Variants in MFSD8 observed in about 807,000 individuals in gnomAD.
MFSD8 encodes the protein major facilitator superfamily domain-containing protein 8.
A neutral mutation model predicts 66.4 loss-of-function variants in MFSD8; 55 were observed. That is an observed-to-expected ratio of 0.83 (90% confidence interval 0.67 to 1.04). The LOEUF (loss-of-function observed/expected upper bound fraction) is 1.04. Ranked by LOEUF, MFSD8 falls within the 50% of genes least tolerant of loss-of-function variation. The pLI, the probability that MFSD8 is intolerant of heterozygous loss-of-function variation, is 0.00. For missense variants in MFSD8, 550 were observed against 627.6 expected, an observed-to-expected ratio of 0.88 and a Z score of 1.32; for synonymous variants, 202 against 212.8, an observed-to-expected ratio of 0.95 and a Z score of 0.44.
chr4:127,931,918 G>A (rs1738203443), intron 8 of MFSD8, among the ~76,000 whole-genome samples: 1 of 152,110 alleles, frequency 6.6e-6, no homozygotes, highest in Admixed American at 6.5e-5. Flanking sequence ...AGATCAGCCT[G>A]GGCAACATGG....
At chr4:127,938,602 A>T (rs1318723919) in intron 7 of MFSD8, among the ~76,000 whole-genome samples, 181 bp downstream of exon 7, 103 of 136,596 alleles carry the variant, frequency 7.5e-4, no homozygotes, top group African/African-American at 2.3e-3. Flanking sequence ...AAAATAAATA[A>T]ATAAATAAAT....
At chr4:127,935,893 C>T (rs1738987540) in intron 7 of MFSD8, among the ~76,000 whole-genome samples, 2 of 152,188 alleles carry the variant, frequency 1.3e-5, no homozygotes, top group South Asian at 4.1e-4. Context: ...CTTTGCTGCA[C>T]AAAGTGTGAT....
intron 8 of MFSD8, among the ~76,000 whole-genome samples, chr4:127,931,138 C>G (rs1228895766): frequency 1.3e-5 from 2 of 152,090 alleles, no homozygotes; most frequent in Admixed American, 6.6e-5. Context: ...TCTAACATTA[C>G]TAAATAATCA....
intron 7 of MFSD8, 116 bp from the exon 8 acceptor site, chr4:127,933,209 T>G (rs1738462069): frequency 1.2e-6 from 1 of 813,144 alleles, no homozygotes; most frequent in Non-Finnish European, 2.0e-6. Context: ...TTAAAAAAAT[T>G]TTTAGGCTTC....
intron 9 of MFSD8, among the ~76,000 whole-genome samples, chr4:127,927,182 T>G (rs1377174686): frequency 6.6e-6 from 1 of 152,110 alleles, no homozygotes; most frequent in African/African-American, 2.4e-5. Context: ...ATGTTTTTTT[T>G]TTTTTGTTTT....
intron 7 of MFSD8, among the ~76,000 whole-genome samples, chr4:127,938,243 A>G (rs1387781688): frequency 2.6e-5 from 4 of 152,142 alleles, no homozygotes; most frequent in Non-Finnish European, 5.9e-5. Context: ...GATTTTTTAC[A>G]ATGTTTGTAA....
At chr4:127,956,765 C>T (rs1742952652) in intron 2 of MFSD8, among the ~76,000 whole-genome samples, 1 of 146,262 alleles carries the variant, frequency 6.8e-6, no homozygotes, top group South Asian at 2.1e-4. Context: ...TTGCAGTGAG[C>T]TGAGATCGTG....
rs1736177626 is a variant in MFSD8 at position 127,920,369 on chromosome 4, T to C, written c.*261A>G. ...CATCATTGTCCATTCACTCATTAGT[T>C]CATGCAACCACAAAAAGGTATTATA... On this transcript the variant is annotated 3_prime_UTR_variant, in exon 12 of 12. Coordinates refer to ENST00000641686, the MANE Select transcript of MFSD8 (RefSeq NM_001371596.2). 1 of 470,088 alleles carries C rather than the reference T, an allele frequency of 2.1e-6. No homozygotes were observed. 29.1% of individuals were successfully genotyped at this position (470,088 alleles called of 1,614,324 possible). A position where few individuals can be genotyped will look rare whatever the true frequency, so the allele number is the denominator to read the frequency against.
Position 127,949,789 on chromosome 4 carries a change from T to C in MFSD8, c.198+15A>G, listed in dbSNP as rs1394062545. ...ACTGTAGCTATAAGGGAAAAATAGATTGAAATGTACAAACCTTTTGGAGAT... is the reference window on the plus strand; with the variant it reads ...ACTGTAGCTATAAGGGAAAAATAGACTGAAATGTACAAACCTTTTGGAGAT... On this transcript the variant is annotated intron_variant, in intron 3 of 11. Transcript: ENST00000641686. The C allele has an allele frequency of 1.9e-6, 3 of 1,609,716 alleles. No homozygotes were observed. Among genetic ancestry groups the C allele is most frequent in the South Asian group, 1.1e-5 (1 of 90,200 alleles).
chr4:127,921,420 A>G, intron 11 of MFSD8, 104 bp downstream of exon 11: 3 of 1,573,542 alleles, frequency 1.9e-6, no homozygotes, highest in Non-Finnish European at 2.6e-6. Context: ...ATATGATAAA[A>G]ATCCCTCAAA....
chr4:127,953,345 G>A (rs2148956949), intron 2 of MFSD8, among the ~76,000 whole-genome samples: 1 of 151,762 alleles, frequency 6.6e-6, no homozygotes, highest in South Asian at 2.1e-4. Flanking sequence ...AACATTAGCT[G>A]GGCATGGTGC....
chr4:127,949,643 T>C (rs1410721430), intron 3 of MFSD8, among the ~76,000 whole-genome samples, 161 bp downstream of exon 3: 1 of 152,180 alleles, frequency 6.6e-6, no homozygotes, highest in African/African-American at 2.4e-5. Context: ...ATAAAGCATA[T>C]GGTCACATTA....
At position 127,921,623 on chromosome 4, in the gene MFSD8, G is replaced by A. The variant is rs1477931820; in HGVS notation, c.1251C>T (p.Ala417=). ...WCLYTPVIHL[A]QFLTSAVLIG... ...TTAGCACAGCTGATGTAAGGAACTG[G>A]GCCAGATGAATCACCGGGGTGTAGA... Residue 417 remains alanine (A), a synonymous_variant, in exon 11 of 12, where the codon GCC becomes GCT. Coordinates refer to ENST00000641686, the MANE Select transcript of MFSD8 (RefSeq NM_001371596.2). The A allele has an allele frequency of 9.3e-6, 15 of 1,614,050 alleles. No individual in the cohort carries two copies. The highest frequency in any genetic ancestry group is 1.3e-5 in the Non-Finnish European group (15 of 1,180,030).
chr4:127,935,350 T>G (rs1420174646), intron 7 of MFSD8, among the ~76,000 whole-genome samples: 2 of 152,192 alleles, frequency 1.3e-5, no homozygotes, highest in Non-Finnish European at 2.9e-5. Flanking sequence ...TAGCTTCTAC[T>G]CAGTGTTGGC....
At chr4:127,923,545 AT>A (rs1205674701) in intron 9 of MFSD8, among the ~76,000 whole-genome samples, 1 of 114,572 alleles carries the variant, frequency 8.7e-6, no homozygotes, top group Non-Finnish European at 1.7e-5. Context: ...TTTATTTTTT[AT>A]TTTTATTTAT....
chr4:127,937,150 C>G (rs1739221363), intron 7 of MFSD8, among the ~76,000 whole-genome samples: 1 of 152,178 alleles, frequency 6.6e-6, no homozygotes, highest in African/African-American at 2.4e-5. Flanking sequence ...TCTCTCACTC[C>G]CTTTCTGCTG....
intron 3 of MFSD8, among the ~76,000 whole-genome samples, chr4:127,944,602 T>C (rs934969072): frequency 6.6e-6 from 1 of 152,090 alleles, no homozygotes; most frequent in African/African-American, 2.4e-5. Context: ...ACTCAGAAAA[T>C]AAAATACTTT....
chr4:127,964,507 G>A (rs1004541522), intron 1 of MFSD8, among the ~76,000 whole-genome samples: 1 of 152,236 alleles, frequency 6.6e-6, no homozygotes, highest in Non-Finnish European at 1.5e-5. Context: ...GCCCGGGGCC[G>A]GCAGGGCCGG....
In MFSD8 at chr4:127,943,733, CAT is replaced by C; in HGVS notation, c.439+17_439+18del. On this transcript the variant is annotated intron_variant, in intron 4 of 11. Transcript: ENST00000641686. The stretch of plus-strand genomic sequence containing the variant: ...TGAATGTGAATATGACACAACCAAA[CAT>C]ATACATACAACCTTACCTGCTCCAA... The C allele has an allele frequency of 9.3e-6, 15 of 1,613,948 alleles. No individual in the cohort carries two copies. Among genetic ancestry groups the C allele is most frequent in the Non-Finnish European group, 1.3e-5 (15 of 1,179,972 alleles).
Sources: gnomAD v4.1 joint callset for allele counts (sites outside exome capture counted in the v4.1 genomes callset) on GRCh38, gnomAD v4.1.1 for gene constraint, MANE v1.5 for transcripts, NCBI Gene and HGNC (gene_info 2026-07-23, HGNC 2026-07-21) for gene names.